The following NCAM2 variants were observed in gnomAD, a reference collection of about 807,000 sequenced individuals.
NCAM2 encodes the protein neural cell adhesion molecule 2.
Under a neutral mutation model 98.1 loss-of-function variants are expected in NCAM2, and 30 were observed. That is an observed-to-expected ratio of 0.31 (90% CI 0.23 to 0.41). NCAM2 has a LOEUF of 0.41. Among genes scored for constraint, NCAM2 ranks in the 10% least tolerant of loss-of-function variants. NCAM2 has a pLI of 1.00. For synonymous variants in NCAM2, 368 were observed against 342.4 expected, an observed-to-expected ratio of 1.07 and a Z score of -0.83; for missense variants, 867 against 1,005.8, an observed-to-expected ratio of 0.86 and a Z score of 1.87.
At chr21:21,422,890 T>C (rs2077138793) in intron 11 of NCAM2, among the ~76,000 whole-genome samples, 1 of 152,270 alleles carries the variant, frequency 6.6e-6, no homozygotes, top group Admixed American at 6.5e-5. Context: ...AATAAAAGTT[T>C]GACTATATAG....
At chr21:21,183,461 T>C (rs1411299443) in intron 1 of NCAM2, among the ~76,000 whole-genome samples, 1 of 152,060 alleles carries the variant, frequency 6.6e-6, no homozygotes, top group Non-Finnish European at 1.5e-5. Context: ...AGAGATGCCA[T>C]GGGGACATAT....
chr21:21,199,801 G>A (rs748471622), intron 1 of NCAM2, among the ~76,000 whole-genome samples: 2 of 151,878 alleles, frequency 1.3e-5, no homozygotes, highest in Non-Finnish European at 2.9e-5. Flanking sequence ...TAATCGTATG[G>A]CATTCTTATA....
At chr21:21,227,651 G>A (rs1040215678) in intron 1 of NCAM2, among the ~76,000 whole-genome samples, 2 of 151,792 alleles carry the variant, frequency 1.3e-5, no homozygotes, top group African/African-American at 4.8e-5. Context: ...AGAATAAAAC[G>A]AGGTGGTTTA....
intron 1 of NCAM2, among the ~76,000 whole-genome samples, chr21:21,268,515 C>G (rs2072371325): frequency 6.6e-6 from 1 of 152,170 alleles, no homozygotes; most frequent in South Asian, 2.1e-4. Flanking sequence ...CAAACACATG[C>G]ATTCACATTC....
Position 21,280,649 on chromosome 21 carries a change from A to G in NCAM2, c.127A>G (p.Thr43Ala). Residue 43 changes from threonine to alanine, a missense_variant, in exon 2 of 18, where the codon ACA becomes GCA. Transcript: ENST00000400546. The part of the protein sequence containing the change: ...SVGESKFFTC[T>A]AIGEPESIDW... ...TGGAGAATCTAAATTCTTCACATGT[A>G]CAGGTACGTATTTCTGTAAATACCT... The G allele has an allele frequency of 6.4e-7, 1 of 1,559,210 alleles. No individual in the cohort carries two copies. Among genetic ancestry groups the G allele is most frequent in the Admixed American group, 1.8e-5 (1 of 54,056 alleles).
intron 1 of NCAM2, among the ~76,000 whole-genome samples, chr21:21,225,804 TAATG>T (rs1212708080): frequency 3.3e-5 from 5 of 151,904 alleles, no homozygotes; most frequent in African/African-American, 1.2e-4. Context: ...ACCAAAGAAT[TAATG>T]AACATACTTA....
intron 1 of NCAM2, among the ~76,000 whole-genome samples, chr21:21,082,225 T>TTAAAAAAAAAAAAA (rs1555882202): frequency 1.2e-5 from 1 of 82,914 alleles, no homozygotes; most frequent in African/African-American, 4.4e-5. Flanking sequence ...GAGAATCCTT[T>TTAAAAAAAAAAAAA]AAAAAAAAAA....
chr21:21,344,510 G>T (rs2075135001), intron 8 of NCAM2, among the ~76,000 whole-genome samples: 1 of 152,152 alleles, frequency 6.6e-6, no homozygotes, highest in African/African-American at 2.4e-5. Context: ...GTGGTCTGGG[G>T]TGGTGGTGGC....
intron 1 of NCAM2, among the ~76,000 whole-genome samples, chr21:21,181,784 T>TC (rs1290929356): frequency 2.6e-5 from 4 of 152,152 alleles, no homozygotes; most frequent in Non-Finnish European, 4.4e-5. Flanking sequence ...TCGTTTTTTT[T>TC]CCTGCACAAT....
intron 1 of NCAM2, among the ~76,000 whole-genome samples, chr21:21,216,750 T>G (rs2069918939): frequency 6.6e-6 from 1 of 152,200 alleles, no homozygotes. Context: ...ATACATGACC[T>G]TGGTGAGGAT....
intron 1 of NCAM2, among the ~76,000 whole-genome samples, chr21:21,207,218 T>A (rs1399889673): frequency 6.6e-6 from 1 of 152,300 alleles, no homozygotes; most frequent in Non-Finnish European, 1.5e-5. Context: ...AAATAAAATT[T>A]GTCTTATTCA....
At position 21,301,384 on chromosome 21, in the gene NCAM2, A is replaced by ATT. The variant is rs531998939; in HGVS notation, c.619+9154_619+9155dup. Among the ~76,000 whole-genome samples the ATT allele has an allele frequency of 7.5e-3, 1,100 of 146,120 alleles. 12 individuals are homozygous for ATT. The highest frequency in any genetic ancestry group is 0.026 in the African/African-American group (1,043 of 39,626). On this transcript the variant is annotated intron_variant, in intron 5 of 17. Coordinates refer to ENST00000400546, the MANE Select transcript of NCAM2 (RefSeq NM_004540.5). ...TAGTTTGGGGTCTTTTTTTTTTTCTATTTTTTTTTTTTAATTATACTTTAA... is the reference window on the plus strand; with the variant it reads ...TAGTTTGGGGTCTTTTTTTTTTTCTATTTTTTTTTTTTTTAATTATACTTTAA...
chr21:21,323,733 T>C (rs2074437475), intron 5 of NCAM2, among the ~76,000 whole-genome samples: 1 of 152,194 alleles, frequency 6.6e-6, no homozygotes, highest in Admixed American at 6.5e-5. Context: ...AATTTTAAAA[T>C]TGAACAGTTC....
chr21:21,211,253 G>A (rs1331098362), intron 1 of NCAM2, among the ~76,000 whole-genome samples: 1 of 152,140 alleles, frequency 6.6e-6, no homozygotes, highest in East Asian at 1.9e-4. Context: ...TTGCTTATCA[G>A]AAGCATGTCT....
chr21:21,373,695 TA>T (rs914043991), intron 8 of NCAM2, among the ~76,000 whole-genome samples, 167 bp from the exon 9 acceptor site: 3 of 151,610 alleles, frequency 2.0e-5, no homozygotes, highest in South Asian at 2.1e-4. Flanking sequence ...GTGTGCTTTT[TA>T]AAAAAAACTT....
intron 12 of NCAM2, among the ~76,000 whole-genome samples, chr21:21,449,777 T>C (rs1268587151): frequency 6.6e-6 from 1 of 152,076 alleles, no homozygotes; most frequent in Non-Finnish European, 1.5e-5. Flanking sequence ...ATTCTAATCT[T>C]CTATTTCAAT....
At chr21:21,321,452 A>T (rs1419084337) in intron 5 of NCAM2, among the ~76,000 whole-genome samples, 1 of 152,082 alleles carries the variant, frequency 6.6e-6, no homozygotes, top group Non-Finnish European at 1.5e-5. Flanking sequence ...ATTTATTGCA[A>T]TTGCTTTTGA....
chr21:21,107,082 C>T (rs2066364120), intron 1 of NCAM2, among the ~76,000 whole-genome samples: 1 of 151,994 alleles, frequency 6.6e-6, no homozygotes, highest in Admixed American at 6.6e-5. Context: ...TATTTGATAC[C>T]AGTCCATCTC....
intron 12 of NCAM2, among the ~76,000 whole-genome samples, chr21:21,441,060 C>T (rs555671729): frequency 3.3e-4 from 50 of 152,246 alleles, no homozygotes; most frequent in Admixed American, 9.2e-4. Context: ...ACATACTTTT[C>T]TCTCTTGCTC....
Sources: allele counts gnomAD v4.1 joint callset (sites outside exome capture counted in the v4.1 genomes callset), GRCh38; gene constraint gnomAD v4.1.1; transcripts MANE v1.5; gene names NCBI Gene and HGNC (gene_info 2026-07-23, HGNC 2026-07-21).